Variants in LRP1B observed in about 807,000 individuals in gnomAD.
LRP1B encodes the protein LDL receptor related protein 1B.
A neutral mutation model predicts 556.6 loss-of-function variants in LRP1B; 217 were observed. The observed-to-expected ratio is 0.39, with a 90% CI of 0.35 to 0.44. The LOEUF (loss-of-function observed/expected upper bound fraction) is 0.44. LRP1B is among the 20% of genes least tolerant of loss of function. The pLI is 1.00. For synonymous variants in LRP1B, 2,047 were observed against 1,865.8 expected (o/e 1.10, Z -2.50); for missense variants, 5,053 against 5,620.8 (o/e 0.90, Z 3.23).
intron 1 of LRP1B, among the ~76,000 whole-genome samples, chr2:142,070,445 A>C (rs995903968): frequency 2.0e-5 from 3 of 151,826 alleles, no homozygotes; most frequent in African/African-American, 7.3e-5. Flanking sequence ...TTCTAACACA[A>C]ATCATGTCTT....
intron 83 of LRP1B, 144 bp downstream of exon 83, chr2:140,314,791 T>C: frequency 5.1e-6 from 3 of 583,586 alleles, no homozygotes; most frequent in Non-Finnish European, 8.2e-6. Context: ...ACAAATGCCA[T>C]TGATTTAATT....
chr2:140,988,752 G>T (rs1286357210), intron 17 of LRP1B, among the ~76,000 whole-genome samples: 4 of 152,120 alleles, frequency 2.6e-5, no homozygotes, highest in African/African-American at 9.7e-5. Flanking sequence ...AGAAAGAGTT[G>T]ATGGGGTGAT....
At chr2:141,202,698 C>T (rs1573644608) in intron 6 of LRP1B, among the ~76,000 whole-genome samples, 2 of 151,912 alleles carry the variant, frequency 1.3e-5, no homozygotes, top group Admixed American at 1.3e-4. Flanking sequence ...TGTTTGTTGG[C>T]CACACGTTAC....
chr2:141,718,938 A>G (rs1692718524), intron 2 of LRP1B, among the ~76,000 whole-genome samples: 3 of 151,612 alleles, frequency 2.0e-5, no homozygotes, highest in African/African-American at 4.9e-5. Context: ...TATTTCTATT[A>G]TAATGAAAAT....
chr2:140,758,155 C>A (rs536926382), intron 35 of LRP1B, among the ~76,000 whole-genome samples: 2 of 152,030 alleles, frequency 1.3e-5, no homozygotes, highest in East Asian at 3.9e-4. Context: ...AACTTAGAAA[C>A]AATCCAAATA....
chr2:141,779,381 T>G (rs1695171925), intron 2 of LRP1B, among the ~76,000 whole-genome samples: 1 of 151,980 alleles, frequency 6.6e-6, no homozygotes, highest in Non-Finnish European at 1.5e-5. Context: ...ATTATCAAAA[T>G]GTAATGTGAT....
intron 1 of LRP1B, among the ~76,000 whole-genome samples, chr2:142,060,139 G>A (rs1033671648): frequency 2.0e-5 from 3 of 152,192 alleles, no homozygotes; most frequent in African/African-American, 7.2e-5. Flanking sequence ...AATGCTTGAA[G>A]AAGACATTTT....
At chr2:141,279,573 C>A (rs991666897) in intron 3 of LRP1B, among the ~76,000 whole-genome samples, 12 of 151,986 alleles carry the variant, frequency 7.9e-5, no homozygotes, top group South Asian at 2.1e-4. Context: ...TCTCCAGTAC[C>A]CCCAGGGCCT....
At chr2:140,851,628 C>T (rs1052454609) in intron 28 of LRP1B, 24 bp downstream of exon 28, 21 of 1,594,142 alleles carry the variant, frequency 1.3e-5, no homozygotes, top group East Asian at 4.5e-5. Flanking sequence ...TTTTTATTTT[C>T]GATTAGAACT....
intron 51 of LRP1B, among the ~76,000 whole-genome samples, chr2:140,514,336 TAA>T (rs1396974199): frequency 6.6e-6 from 1 of 151,846 alleles, no homozygotes; most frequent in Non-Finnish European, 1.5e-5. Flanking sequence ...TAATGAAAAA[TAA>T]GTTTGATTAT....
chr2:140,515,028 G>A (rs570703466), intron 50 of LRP1B, among the ~76,000 whole-genome samples: 10 of 151,930 alleles, frequency 6.6e-5, no homozygotes, highest in African/African-American at 2.4e-4. Flanking sequence ...GTCCTAATGC[G>A]GTCACTCTAC....
intron 41 of LRP1B, among the ~76,000 whole-genome samples, chr2:140,638,360 C>A (rs16844367): frequency 2.6e-5 from 4 of 152,184 alleles, no homozygotes; most frequent in Non-Finnish European, 5.9e-5. Flanking sequence ...GACTTTCTTA[C>A]CCCCAATTTA....
chr2:141,479,770 C>T (rs1310249803), intron 3 of LRP1B, among the ~76,000 whole-genome samples: 7 of 152,072 alleles, frequency 4.6e-5, no homozygotes, highest in East Asian at 1.9e-4. Flanking sequence ...CACTCCACCC[C>T]GCACTAGAAA....
intron 2 of LRP1B, among the ~76,000 whole-genome samples, chr2:141,545,562 C>G (rs1203816801): frequency 6.6e-6 from 1 of 152,100 alleles, no homozygotes; most frequent in Admixed American, 6.6e-5. Context: ...AGCAAAGAAG[C>G]AGCCAGGCAT....
chr2:141,077,563 T>C (rs1363619107), intron 7 of LRP1B, among the ~76,000 whole-genome samples: 1 of 152,328 alleles, frequency 6.6e-6, no homozygotes, highest in African/African-American at 2.4e-5. Context: ...TTCGTGTCTA[T>C]AGTCGGCTGC....
chr2:140,892,998 C>T (rs1693844322), intron 23 of LRP1B, among the ~76,000 whole-genome samples: 1 of 151,622 alleles, frequency 6.6e-6, no homozygotes, highest in African/African-American at 2.4e-5. Flanking sequence ...CCTCTAGAGA[C>T]AGAGGAAAGG....
chr2:141,532,748 G>C (rs1005693323), intron 2 of LRP1B, among the ~76,000 whole-genome samples: 3 of 152,100 alleles, frequency 2.0e-5, no homozygotes, highest in African/African-American at 7.2e-5. Context: ...CACTTTGGGA[G>C]GTCAAGGCAG....
intron 1 of LRP1B, among the ~76,000 whole-genome samples, chr2:141,886,899 C>T (rs1699131940): frequency 6.6e-6 from 1 of 151,130 alleles, no homozygotes; most frequent in South Asian, 2.1e-4. Flanking sequence ...ATCGCTGATT[C>T]ACTTTTTATT....
chr2:141,383,246 C>T lies in LRP1B; in HGVS notation c.343+97150G>A, dbSNP rs927603336. On this transcript the variant is annotated intron_variant, in intron 3 of 90. Transcript: ENST00000389484. ...GTGTTAATGGAGAAAAATAAACCCT[C>T]CTATACTGTTGGTGAGAATGTAAAT... Among the ~76,000 whole-genome samples the T allele has an allele frequency of 2.6e-5, 4 of 152,100 alleles. No individual in the cohort carries two copies. In the South Asian group the frequency reaches 8.3e-4, roughly 31 times the overall value.
Sources: allele counts gnomAD v4.1 joint callset (sites outside exome capture counted in the v4.1 genomes callset), GRCh38; gene constraint gnomAD v4.1.1; transcripts MANE v1.5; gene names NCBI Gene and HGNC (gene_info 2026-07-23, HGNC 2026-07-21).